Variants in PAX2 observed in about 807,000 individuals in gnomAD.
The protein encoded by PAX2 is paired box 2.
In PAX2, 9 loss-of-function variants were observed where a neutral mutation model predicts 41.7. The observed-to-expected ratio is 0.22, with a 90% CI of 0.13 to 0.38. The LOEUF (loss-of-function observed/expected upper bound fraction) is 0.38. Among genes scored for constraint, PAX2 ranks in the 10% least tolerant of loss-of-function variants. PAX2 has a pLI of 1.00. For missense variants in PAX2, 418 were observed against 531.6 expected (o/e 0.79, Z 2.10); for synonymous variants, 221 against 212.7 (o/e 1.04, Z -0.34).
At position 100,750,126 on chromosome 10, in the gene PAX2, G is replaced by A. The variant is rs998252554; in HGVS notation, c.212+212G>A. Among the ~76,000 whole-genome samples the A allele has an allele frequency of 3.9e-5, 6 of 152,356 alleles. No individual in the cohort carries two copies. The highest frequency in any genetic ancestry group is 1.9e-4 in the East Asian group (1 of 5,190). On this transcript the variant is annotated intron_variant, in intron 2 of 9. Coordinates refer to ENST00000355243, the MANE Select transcript of PAX2 (RefSeq NM_000278.5). The surrounding 1 kb of genome is among the most constrained non-coding windows in gnomAD (Gnocchi z 4.1). ...GGTGGCGCAGTGTCACCCAGTGCTTGCCCTGCCCCTGGTCCCTGGTGAGAA... is the reference window on the plus strand; with the variant it reads ...GGTGGCGCAGTGTCACCCAGTGCTTACCCTGCCCCTGGTCCCTGGTGAGAA...
chr10:100,759,460 A>G lies in PAX2; in HGVS notation c.410+8569A>G, dbSNP rs116061502. Among the ~76,000 whole-genome samples, 733 of 151,934 alleles carry G rather than the reference A, an allele frequency of 4.8e-3. 5 individuals are homozygous for G. The highest frequency in any genetic ancestry group is 0.017 in the African/African-American group (689 of 41,424). Reference sequence around the variant, plus strand: ...CAGCCTAGTCCCTGGCAGGCTGGAGAGGGAGAGTAGGAGAGCAGCCAAAAG... The same window carrying G: ...CAGCCTAGTCCCTGGCAGGCTGGAGGGGGAGAGTAGGAGAGCAGCCAAAAG... On this transcript the variant is annotated intron_variant, in intron 3 of 9. Transcript: ENST00000355243.
chr10:100,771,934 G>T (rs1198715850), intron 3 of PAX2, among the ~76,000 whole-genome samples: 1 of 151,796 alleles, frequency 6.6e-6, no homozygotes, highest in Non-Finnish European at 1.5e-5. Flanking sequence ...AGCCTCCCCA[G>T]TAGCAGGGAT....
chr10:100,793,496 T>A (rs1359363641), intron 5 of PAX2, among the ~76,000 whole-genome samples: 1 of 152,238 alleles, frequency 6.6e-6, no homozygotes, highest in Non-Finnish European at 1.5e-5. Context: ...AGGCTGGCTG[T>A]GACTTGGCAG....
upstream of PAX2, among the ~76,000 whole-genome samples, chr10:100,744,790 A>G (rs1845090080): frequency 6.6e-6 from 1 of 152,006 alleles, no homozygotes; most frequent in East Asian, 1.9e-4. Context: ...GCAGGTGGGT[A>G]CTCGCCGGAG....
In PAX2 at chr10:100,815,657, T is replaced by C. The variant is rs1004105417; in HGVS notation, c.919+6421T>C. Among the ~76,000 whole-genome samples the C allele has an allele frequency of 2.6e-5, 4 of 152,218 alleles. No homozygotes were observed. In the South Asian group the frequency reaches 8.3e-4, roughly 32 times the overall value. On this transcript the variant is annotated intron_variant, in intron 7 of 9. Transcript: ENST00000355243. Reference sequence around the variant, plus strand: ...TCTCGGCCTGCAGCCTAGGGAGTCATTGGATCAGGCCTCTTTCCCTTCCTC... The same window carrying C: ...TCTCGGCCTGCAGCCTAGGGAGTCACTGGATCAGGCCTCTTTCCCTTCCTC...
At chr10:100,735,540 C>A in exon 1 of PAX2, 2 of 388,044 alleles carry the variant, frequency 5.2e-6, no homozygotes, top group Non-Finnish European at 7.7e-6. Context: ...GGGCGGAGCA[C>A]ACAGCCGTGG....
intron 7 of PAX2, among the ~76,000 whole-genome samples, chr10:100,813,648 G>A (rs769894079): frequency 2.9e-4 from 44 of 152,210 alleles, no homozygotes; most frequent in Non-Finnish European, 6.3e-4. Flanking sequence ...ACAAGGAAGG[G>A]GGCAGAATGG....
At chr10:100,818,873 T>C (rs1023766759) in intron 7 of PAX2, among the ~76,000 whole-genome samples, 1 of 152,226 alleles carries the variant, frequency 6.6e-6, no homozygotes, top group Non-Finnish European at 1.5e-5. Flanking sequence ...GCCTGTTCTG[T>C]AATCCAGTTT....
chr10:100,747,774 G>A, intron 1 of PAX2: 1 of 985,112 alleles, frequency 1.0e-6, no homozygotes, highest in South Asian at 4.7e-5. Context: ...GTCTCGGCGA[G>A]CGGGCCGGAA....
rs1180129762 is a variant in PAX2 at position 100,748,439 on chromosome 10, G to A, written c.44-1307G>A. ...TGCTCTAGGTACCCCCCGAGAAAGG[G>A]AGGGGAGAGAAATGAGGGGGGCACA... is the stretch of plus-strand genomic sequence containing the variant. On this transcript the variant is annotated intron_variant, in intron 1 of 9. Coordinates refer to ENST00000355243, the MANE Select transcript of PAX2 (RefSeq NM_000278.5). The surrounding 1 kb of genome is among the most constrained non-coding windows in gnomAD (Gnocchi z 5.0). 6.1e-6 allele frequency: 6 copies of A among 985,084 alleles called. No individual in the cohort carries two copies. In the African/African-American group the frequency reaches 7.0e-5, roughly 11 times the overall value. 61.0% of individuals were successfully genotyped at this position (985,084 alleles called of 1,614,324 possible). A position where few individuals can be genotyped will look rare whatever the true frequency, so the allele number is the denominator to read the frequency against.
intron 5 of PAX2, among the ~76,000 whole-genome samples, chr10:100,800,082 G>A (rs1011039301): frequency 4.0e-5 from 6 of 151,794 alleles, no homozygotes; most frequent in African/African-American, 7.3e-5. Flanking sequence ...CACCGCGCCC[G>A]GCCAAAGTTA....
intron 4 of PAX2, 80 bp downstream of exon 4, chr10:100,779,663 G>T: frequency 8.6e-7 from 1 of 1,158,394 alleles, no homozygotes; most frequent in South Asian, 1.3e-5. Context: ...CCTGGGAACT[G>T]CCTGCCCGCT....
chr10:100,800,457 G>T (rs1469867700), intron 5 of PAX2, among the ~76,000 whole-genome samples: 1 of 151,208 alleles, frequency 6.6e-6, no homozygotes, highest in Non-Finnish European at 1.5e-5. Flanking sequence ...TTTTATTTTT[G>T]TAAAGATGAG....
In PAX2 at chr10:100,750,007, G is replaced by T. The variant is rs888253509; in HGVS notation, c.212+93G>T. The T allele has an allele frequency of 1.1e-5, 16 of 1,436,000 alleles. No homozygotes were observed. The South Asian group carries it at 1.8e-4, about 17-fold the overall frequency. The allele number at this position is 1,436,000 out of a possible 1,614,324, so 89.0% of individuals were successfully genotyped here. ...TGGAGGACGTGGCTAAAAGTCCAGC[G>T]TGCCAAGCCAGAGAGGGAGATCCCC... On this transcript the variant is annotated intron_variant, in intron 2 of 9. Transcript: ENST00000355243. The surrounding 1 kb of genome is among the most constrained non-coding windows in gnomAD (Gnocchi z 4.1).
chr10:100,745,914 C>T lies in PAX2; in HGVS notation c.-347C>T. On this transcript the variant is annotated 5_prime_UTR_variant, in exon 1 of 10. Transcript: ENST00000355243. ...GGTTCCAGGGGAGCTGAGCGAGTCG[C>T]CTCCCCCGCCCAGCTTCAGCCCTGG... 4 of 1,205,704 alleles carry T rather than the reference C, an allele frequency of 3.3e-6. No individual in the cohort carries two copies. In the South Asian group the frequency reaches 7.6e-5, roughly 23 times the overall value. 74.7% of individuals were successfully genotyped at this position (1,205,704 alleles called of 1,614,324 possible).
chr10:100,756,551 C>T (rs1006718543), intron 3 of PAX2, among the ~76,000 whole-genome samples: 6 of 152,262 alleles, frequency 3.9e-5, no homozygotes, highest in Non-Finnish European at 7.4e-5. Flanking sequence ...TGTTAGATGA[C>T]TTTGGCCAAC....
chr10:100,819,258 A>G (rs1193641942), intron 7 of PAX2, among the ~76,000 whole-genome samples: 1 of 147,438 alleles, frequency 6.8e-6, no homozygotes, highest in Non-Finnish European at 1.5e-5. Flanking sequence ...AAAAAAAAAA[A>G]AGGGGGGGGA....
upstream of PAX2, among the ~76,000 whole-genome samples, chr10:100,742,297 C>T (rs1270596698): frequency 6.6e-6 from 1 of 152,212 alleles, no homozygotes; most frequent in Non-Finnish European, 1.5e-5. Context: ...CATTTGAGAG[C>T]CCTGGAGTCG....
intron 7 of PAX2, among the ~76,000 whole-genome samples, chr10:100,821,634 C>T (rs2133979484): frequency 1.3e-5 from 2 of 152,340 alleles, no homozygotes; most frequent in South Asian, 4.1e-4. Flanking sequence ...AATAGGACTG[C>T]ATCCAGGTTA....
Sources: gnomAD v4.1 joint callset for allele counts (sites outside exome capture counted in the v4.1 genomes callset) on GRCh38, gnomAD v4.1.1 for gene constraint, Gnocchi (gnomAD v3.1) non-coding constraint, MANE v1.5 for transcripts, NCBI Gene and HGNC (gene_info 2026-07-23, HGNC 2026-07-21) for gene names.